The following SOCS7 variants were observed in gnomAD, a reference collection of about 807,000 sequenced individuals.
SOCS7 encodes NAP-4.
Under a neutral mutation model 58.9 loss-of-function variants are expected in SOCS7, and 18 were observed. That is an observed-to-expected ratio of 0.31 (90% CI 0.21 to 0.45). The LOEUF is 0.45. Among genes scored for constraint, SOCS7 ranks in the 20% least tolerant of loss-of-function variants. The pLI is 1.00. For missense variants in SOCS7, 667 were observed against 837.3 expected (o/e 0.80, Z 2.51); for synonymous variants, 388 against 364.3 (o/e 1.06, Z -0.74).
At chr17:38,359,162 A>T (rs1555567235) in intron 1 of SOCS7, among the ~76,000 whole-genome samples, 1 of 152,232 alleles carries the variant, frequency 6.6e-6, no homozygotes, top group African/African-American at 2.4e-5. Context: ...ATCAGCTTGG[A>T]AGCTCTTCAG....
At chr17:38,378,264 G>C (rs969846807) in intron 7 of SOCS7, among the ~76,000 whole-genome samples, 2 of 152,154 alleles carry the variant, frequency 1.3e-5, no homozygotes, top group South Asian at 4.1e-4. Flanking sequence ...ATGGCTAGGC[G>C]TGGTGGCTCA....
At chr17:38,365,526 A>G in intron 4 of SOCS7, 117 bp downstream of exon 4, 1 of 641,982 alleles carries the variant, frequency 1.6e-6, no homozygotes, top group Non-Finnish European at 2.4e-6. Context: ...GAAAGTTTAA[A>G]TCTTTTCCCC....
rs2037984199 is a variant in SOCS7, at chr17:38,380,308, C to T, written c.1681+2466C>T. Among the ~76,000 whole-genome samples, 4 of 151,902 alleles carry T rather than the reference C, an allele frequency of 2.6e-5. 1 individual carries two copies. In the South Asian group the frequency reaches 8.3e-4, roughly 32 times the overall value. On this transcript the variant is annotated intron_variant, in intron 7 of 9. Coordinates refer to ENST00000612932, the MANE Select transcript of SOCS7 (RefSeq NM_014598.4). ...AATATATTGACATTTTTACAACAAC[C>T]TCAAAGTTAGGTAATATAGATCAAT...
At chr17:38,395,726 A>G in intron 8 of SOCS7, 122 bp from the exon 9 acceptor site, 1 of 1,044,450 alleles carries the variant, frequency 9.6e-7, no homozygotes, top group Non-Finnish European at 1.4e-6. Context: ...AATAACTGAG[A>G]AAATGGGGAT....
rs1555568645 is a variant in SOCS7 at position 38,368,001 on chromosome 17, T to C, written c.1503T>C (p.Ser501=). The C allele has an allele frequency of 6.2e-7, 1 of 1,614,158 alleles. No homozygotes were observed. The highest frequency in any genetic ancestry group is 2.2e-5 in the East Asian group (1 of 44,882). The change falls in exon 6 of 10, where the codon AGT becomes AGC. Residue 501 remains serine (S), a synonymous_variant. Coordinates refer to ENST00000612932, the MANE Select transcript of SOCS7 (RefSeq NM_014598.4). ...ATCCTCGTTACATCCTGAGCCTCAG[T>C]TTCCGATCACAGGGTATCACCCACC... is the stretch of plus-strand genomic sequence containing the variant. ...SSDPRYILSL[S]FRSQGITHHT... is the part of the protein sequence containing the mutation.
chr17:38,382,253 C>G (rs1597702888), intron 7 of SOCS7, among the ~76,000 whole-genome samples: 2 of 151,400 alleles, frequency 1.3e-5, no homozygotes, highest in South Asian at 4.2e-4. Flanking sequence ...TGTAGAGAGA[C>G]CTCATCTCTA....
chr17:38,370,234 G>A (rs1415258081), intron 6 of SOCS7, among the ~76,000 whole-genome samples: 3 of 152,208 alleles, frequency 2.0e-5, no homozygotes, highest in Admixed American at 6.5e-5. Context: ...CTAGCCTCAC[G>A]TGATCTGCCT....
chr17:38,364,741 G>T lies in SOCS7; in HGVS notation c.1046-11G>T. On this transcript the variant is annotated splice_polypyrimidine_tract_variant and intron_variant, in intron 2 of 9. Transcript: ENST00000612932. ...CGCTTCTGTAACTTGCTTGCTCCAT[G>T]AATCCCTCAGGTGAAACTGTGTCGC... 6.2e-7 allele frequency: 1 copy of T among 1,612,382 alleles called. No individual in the cohort carries two copies.
At chr17:38,364,693 T>C (rs1390000748) in intron 2 of SOCS7, 59 bp from the exon 3 acceptor site, 22 of 1,427,130 alleles carry the variant, frequency 1.5e-5, no homozygotes, top group Non-Finnish European at 2.2e-5. Flanking sequence ...TCCCTTTGCT[T>C]TCTGCATCAG....
At position 38,366,485 on chromosome 17, in the gene SOCS7, C is replaced by T. The variant is rs587670416; in HGVS notation, c.1383+68C>T. 8.3e-6 allele frequency: 13 copies of T among 1,559,580 alleles called. No individual in the cohort carries two copies. In the East Asian group the frequency reaches 2.9e-4, roughly 35 times the overall value. ...TAGCTAAATTCTGTATTCGGACACACCTTTATTTATGTGTTTATTTATTTT... is the reference window on the plus strand; with the variant it reads ...TAGCTAAATTCTGTATTCGGACACATCTTTATTTATGTGTTTATTTATTTT... On this transcript the variant is annotated intron_variant, in intron 5 of 9. Coordinates refer to ENST00000612932, the MANE Select transcript of SOCS7 (RefSeq NM_014598.4).
At chr17:38,370,295 G>A (rs1341206608) in intron 6 of SOCS7, among the ~76,000 whole-genome samples, 3 of 152,106 alleles carry the variant, frequency 2.0e-5, no homozygotes, top group African/African-American at 7.2e-5. Flanking sequence ...ACCTCACCTG[G>A]CCACCAGTTA....
chr17:38,362,253 C>T (rs2037729934), intron 2 of SOCS7, among the ~76,000 whole-genome samples: 1 of 152,240 alleles, frequency 6.6e-6, no homozygotes, highest in African/African-American at 2.4e-5. Context: ...TAGGGGCTTG[C>T]AGTTCCTGCA....
At chr17:38,388,611 A>C (rs533616500) in intron 7 of SOCS7, among the ~76,000 whole-genome samples, 16 of 152,352 alleles carry the variant, frequency 1.1e-4, no homozygotes, top group African/African-American at 3.1e-4. Context: ...GAATGTTTTC[A>C]TCACACCAAA....
chr17:38,387,096 AAAAAAAAT>A (rs1447732298), intron 7 of SOCS7, among the ~76,000 whole-genome samples: 1 of 91,812 alleles, frequency 1.1e-5, no homozygotes, highest in Admixed American at 1.1e-4. Flanking sequence ...AAAAAAAAAA[AAAAAAAAT>A]ATATATATAT....
In SOCS7 at chr17:38,352,651, A is replaced by G. The variant is rs1029288906; in HGVS notation, c.599A>G (p.Glu200Gly). The G allele has an allele frequency of 1.3e-6, 2 of 1,549,876 alleles. No individual in the cohort carries two copies. The highest frequency in any genetic ancestry group is 2.4e-5 in the East Asian group (1 of 40,904). ...GAGACTAACAGCTGCTCGGAAGAGG[A>G]GCTCAGCAGCCCGGGTCGCGGAGGA... Reference protein sequence around the residue: ...SLETNSCSEEELSSPGRGGGG... With the variant: ...SLETNSCSEEGLSSPGRGGGG... The change falls in exon 1 of 10, where the codon GAG (glutamate) becomes GGG (glycine). Residue 200 changes from glutamate to glycine, a missense_variant. This residue lies in a region of SOCS7 where 208 missense variants were observed against 190.3 expected (regional missense o/e 1.09). Transcript: ENST00000612932. The surrounding 1 kb of genome is among the most constrained non-coding windows in gnomAD (Gnocchi z 5.5).
chr17:38,374,898 T>C (rs1469862901), intron 6 of SOCS7, among the ~76,000 whole-genome samples: 1 of 152,260 alleles, frequency 6.6e-6, no homozygotes, highest in Non-Finnish European at 1.5e-5. Flanking sequence ...TTCTATGATA[T>C]GGGCACTAAA....
chr17:38,389,888 T>C (rs1447022086), intron 7 of SOCS7, among the ~76,000 whole-genome samples: 7 of 88,978 alleles, frequency 7.9e-5, no homozygotes, highest in Admixed American at 1.2e-4. Flanking sequence ...TATATGTACA[T>C]ATATATATAT....
intron 7 of SOCS7, among the ~76,000 whole-genome samples, chr17:38,387,129 G>GTGTGTATATATATATA (rs1555570683): frequency 6.2e-5 from 4 of 64,796 alleles, no homozygotes; most frequent in South Asian, 4.7e-4. Context: ...ATATATATAT[G>GTGTGTATATATATATA]TATGTATATA....
In SOCS7 at chr17:38,352,651, A is replaced by T; in HGVS notation, c.599A>T (p.Glu200Val). 1.3e-6 allele frequency: 2 copies of T among 1,549,876 alleles called. No individual in the cohort carries two copies. Among genetic ancestry groups the T allele is most frequent in the Non-Finnish European group, 1.7e-6 (2 of 1,146,808 alleles). The part of the protein sequence containing the change: ...SLETNSCSEE[E>V]LSSPGRGGGG... ...GAGACTAACAGCTGCTCGGAAGAGGAGCTCAGCAGCCCGGGTCGCGGAGGA... is the reference window on the plus strand; with the variant it reads ...GAGACTAACAGCTGCTCGGAAGAGGTGCTCAGCAGCCCGGGTCGCGGAGGA... Residue 200 changes from glutamate to valine, a missense_variant, in exon 1 of 10, where the codon GAG becomes GTG. Glu to Val is a moderately radical substitution (Grantham distance 121). Coordinates refer to ENST00000612932, the MANE Select transcript of SOCS7 (RefSeq NM_014598.4). The surrounding 1 kb of genome is among the most constrained non-coding windows in gnomAD (Gnocchi z 5.5).
Sources: gnomAD v4.1 joint callset for allele counts (sites outside exome capture counted in the v4.1 genomes callset) on GRCh38, gnomAD v4.1.1 for gene constraint, gnomAD v4.1.1 regional missense constraint, Gnocchi (gnomAD v3.1) non-coding constraint, MANE v1.5 for transcripts, NCBI Gene and HGNC (gene_info 2026-07-23, HGNC 2026-07-21) for gene names.